Variants in RCC1L observed in about 807,000 individuals in gnomAD.
RCC1L encodes RCC1 like.
In RCC1L, 46 loss-of-function variants were observed where a neutral mutation model predicts 58.6. That is an observed-to-expected ratio of 0.79 (90% confidence interval 0.62 to 1.00). The LOEUF (loss-of-function observed/expected upper bound fraction) is 1.00, where lower values mean the gene tolerates loss of function less well. Ranked by LOEUF, RCC1L falls within the 50% of genes least tolerant of loss-of-function variation. The probability of loss-of-function intolerance (pLI) is 0.00; values close to 1 mark genes in which losing one functional copy is unlikely to be tolerated. For missense variants in RCC1L, 636 were observed against 623.6 expected (o/e 1.02, Z -0.21); for synonymous variants, 281 against 262.9 (o/e 1.07, Z -0.67).
chr7:75,032,662 G>A (rs1362771571), intron 10 of RCC1L, among the ~76,000 whole-genome samples: 1 of 152,168 alleles, frequency 6.6e-6, no homozygotes, highest in East Asian at 1.9e-4. Flanking sequence ...GAGACCGGGA[G>A]TGAAAATGGA....
intron 10 of RCC1L, among the ~76,000 whole-genome samples, chr7:75,049,436 G>A (rs1554443118): frequency 6.6e-5 from 10 of 151,128 alleles, no homozygotes; most frequent in Non-Finnish European, 7.4e-5. Context: ...TGAAGCAAGA[G>A]GATCACTTGA....
At chr7:75,046,334 C>T (rs1199503358) in intron 10 of RCC1L, among the ~76,000 whole-genome samples, 4 of 152,232 alleles carry the variant, frequency 2.6e-5, no homozygotes, top group Non-Finnish European at 4.4e-5. Context: ...GGGCCCCGAC[C>T]GCCTCTTAGC....
intron 9 of RCC1L, among the ~76,000 whole-genome samples, chr7:75,053,533 T>A (rs1805984863): frequency 6.6e-6 from 1 of 151,974 alleles, no homozygotes; most frequent in African/African-American, 2.4e-5. Context: ...AGGTCTGTGT[T>A]CCAGGAGCTG....
rs1485633436 is a variant in RCC1L, at chr7:75,051,355, C to CATATATATACACACAT, written c.1317+1340_1317+1355dup. ...ACACACACATATATATACACACACA[C>CATATATATACACACAT]ATATATATACACACATATATATATA... On this transcript the variant is annotated intron_variant, in intron 10 of 10. Coordinates refer to ENST00000610322, the MANE Select transcript of RCC1L (RefSeq NM_030798.5). 3.4e-4 allele frequency among the ~76,000 whole-genome samples: 51 copies of CATATATATACACACAT among 149,524 alleles called. No individual in the cohort carries two copies. The East Asian group carries it at 7.4e-3, about 22-fold the overall frequency.
chr7:75,056,775 C>T (rs970097697), intron 8 of RCC1L: 5 of 1,466,664 alleles, frequency 3.4e-6, no homozygotes, highest in East Asian at 2.5e-5. Context: ...TTCATTCACA[C>T]CCTGTAATGC....
chr7:75,037,653 T>C (rs1805458204), downstream of RCC1L, among the ~76,000 whole-genome samples: 1 of 152,042 alleles, frequency 6.6e-6, no homozygotes, highest in Non-Finnish European at 1.5e-5. Flanking sequence ...TACAGGCACG[T>C]GCCATCACAC....
At chr7:75,045,291 C>G (rs1805686940) in intron 10 of RCC1L, among the ~76,000 whole-genome samples, 1 of 151,864 alleles carries the variant, frequency 6.6e-6, no homozygotes, top group Non-Finnish European at 1.5e-5. Flanking sequence ...GCTATCCTCC[C>G]ACCTCACCCT....
intron 2 of RCC1L, among the ~76,000 whole-genome samples, chr7:75,067,984 C>T (rs1319762138): frequency 3.3e-5 from 5 of 152,076 alleles, no homozygotes; most frequent in African/African-American, 1.2e-4. Context: ...CTACTCTGCA[C>T]ACTTCTGTAA....
downstream of RCC1L, among the ~76,000 whole-genome samples, chr7:75,039,322 C>T (rs1041578485): frequency 3.9e-4 from 59 of 152,354 alleles, no homozygotes; most frequent in Non-Finnish European, 6.6e-4. Context: ...GGGCCGTGCC[C>T]GAGCCTTCTC....
intron 6 of RCC1L, among the ~76,000 whole-genome samples, chr7:75,060,268 A>G (rs1806229808): frequency 6.6e-6 from 1 of 152,226 alleles, no homozygotes. Context: ...CGGTTGATCC[A>G]TTCACCTGCT....
chr7:75,045,619 G>T (rs905641360), intron 10 of RCC1L, among the ~76,000 whole-genome samples: 1 of 151,662 alleles, frequency 6.6e-6, no homozygotes, highest in South Asian at 2.1e-4. Context: ...TGGTTCAAGC[G>T]ATTCTCCTGC....
chr7:75,036,875 C>T lies in RCC1L; in HGVS notation c.1318-8796G>A, dbSNP rs988228569. Reference sequence around the variant, plus strand: ...CTGAGATCGCACCACTGCATTCCAGCCTTGGTGACAGAGTGAGACTCTGTC... The same window carrying T: ...CTGAGATCGCACCACTGCATTCCAGTCTTGGTGACAGAGTGAGACTCTGTC... On this transcript the variant is annotated intron_variant, in intron 10 of 10. Transcript: ENST00000614461. Among the ~76,000 whole-genome samples the T allele has an allele frequency of 1.2e-4, 18 of 152,156 alleles. No homozygotes were observed. The East Asian group carries it at 2.9e-3, about 25-fold the overall frequency.
In RCC1L at chr7:75,043,072, C is replaced by G. The variant is rs1322709591; in HGVS notation, c.1355G>C (p.Gly452Ala). The change falls in exon 11 of 11, where the codon GGC (glycine) becomes GCC (alanine). Residue 452 changes from glycine (G) to alanine (A), a missense_variant. Transcript: ENST00000610322. ...GGCCAGGGTCACCATGTGGTCCACGCCACATGCCACGTCCACAGGCTCCCC... is the reference window on the plus strand; with the variant it reads ...GGCCAGGGTCACCATGTGGTCCACGGCACATGCCACGTCCACAGGCTCCCC... ...MPGEPVDVAC[G>A]VDHMVTLAKS... 1 of 1,613,912 alleles carries G rather than the reference C, an allele frequency of 6.2e-7. No individual in the cohort carries two copies. The highest frequency in any genetic ancestry group is 8.5e-7 in the Non-Finnish European group (1 of 1,179,874).
intron 9 of RCC1L, chr7:75,055,678 A>G (rs1431115051): frequency 1.7e-6 from 1 of 600,962 alleles, no homozygotes; most frequent in Non-Finnish European, 3.0e-6. Context: ...TAGCCTACCC[A>G]CAAACCAAAC....
intron 10 of RCC1L, among the ~76,000 whole-genome samples, chr7:75,044,080 A>G (rs1455341552): frequency 2.0e-5 from 3 of 152,184 alleles, no homozygotes; most frequent in Non-Finnish European, 4.4e-5. Flanking sequence ...AGATGGCCTC[A>G]CTGAGACATG....
intron 10 of RCC1L, among the ~76,000 whole-genome samples, chr7:75,045,565 G>C (rs1475728885): frequency 1.3e-5 from 2 of 150,690 alleles, no homozygotes; most frequent in Non-Finnish European, 2.9e-5. Context: ...CACCAGGCTA[G>C]AGTGCAGTGG....
chr7:75,055,881 C>G lies in RCC1L; in HGVS notation c.1231+20G>C. On this transcript the variant is annotated intron_variant, in intron 9 of 10. Transcript: ENST00000610322. ...ACCTCTGCTGGGCTCACACCAGGGC[C>G]ACCGGGCTTGGTAACTTACTGGTCA... is the stretch of plus-strand genomic sequence containing the variant. The G allele has an allele frequency of 6.2e-7, 1 of 1,613,972 alleles. No individual in the cohort carries two copies. Among genetic ancestry groups the G allele is most frequent in the Non-Finnish European group, 8.5e-7 (1 of 1,179,868 alleles).
Position 75,042,924 on chromosome 7 carries a change from C to A in RCC1L, c.*108G>T. ...CAGAGCGTCACACTGCACGCAGGGT[C>A]CTCCGCCACCACCATCCAAGAACCC... On this transcript the variant is annotated 3_prime_UTR_variant, in exon 11 of 11. Transcript: ENST00000610322. The A allele has an allele frequency of 3.2e-6, 5 of 1,577,864 alleles. No homozygotes were observed. Among genetic ancestry groups the A allele is most frequent in the Non-Finnish European group, 4.3e-6 (5 of 1,160,832 alleles).
Position 75,066,705 on chromosome 7 carries a change from C to T in RCC1L, c.542G>A (p.Cys181Tyr). The T allele has an allele frequency of 1.9e-6, 3 of 1,613,486 alleles. No individual in the cohort carries two copies. Among genetic ancestry groups the T allele is most frequent in the East Asian group, 2.2e-5 (1 of 44,852 alleles). ...PQETRVLQVS[C>Y]GRAHSLVLTD... Reference sequence around the variant, plus strand: ...CAACACAAGAGAGTGAGCTCGGCCGCAGGAGACCTGCAGCACCCGTGTCTC... The same window carrying T: ...CAACACAAGAGAGTGAGCTCGGCCGTAGGAGACCTGCAGCACCCGTGTCTC... The change falls in exon 3 of 11, where the codon TGC becomes TAC. Residue 181 changes from cysteine to tyrosine, a missense_variant. By Grantham distance (194) the Cys-to-Tyr change is radical (BLOSUM62 -2). Coordinates refer to ENST00000610322, the MANE Select transcript of RCC1L (RefSeq NM_030798.5).
Sources: gnomAD v4.1 joint callset for allele counts (sites outside exome capture counted in the v4.1 genomes callset) on GRCh38, gnomAD v4.1.1 for gene constraint, MANE v1.5 for transcripts, NCBI Gene and HGNC (gene_info 2026-07-23, HGNC 2026-07-21) for gene names.